The following PLB1 variants were observed in gnomAD, a reference collection of about 807,000 sequenced individuals.
The protein encoded by PLB1 is phospholipase B1, membrane-associated.
PLB1 carries 242 observed loss-of-function variants against 227.4 expected under a neutral mutation model. The observed-to-expected ratio is 1.06, with a 90% CI of 0.96 to 1.18. The LOEUF (loss-of-function observed/expected upper bound fraction) is 1.18. Ranked by LOEUF, PLB1 falls within the 50% of genes most tolerant of loss-of-function variation. The pLI, the probability that PLB1 is intolerant of heterozygous loss-of-function variation, is 0.00. For synonymous variants in PLB1, 757 were observed against 682.2 expected (o/e 1.11, Z -1.71); for missense variants, 1,858 against 1,816.3 (o/e 1.02, Z -0.42).
At chr2:28,506,692 G>A (rs538490170) in intron 1 of PLB1, among the ~76,000 whole-genome samples, 1 of 152,270 alleles carries the variant, frequency 6.6e-6, no homozygotes, top group East Asian at 1.9e-4. Context: ...TTCTTTAGCA[G>A]GGGAGTGGCA....
intron 56 of PLB1, 137 bp downstream of exon 56, chr2:28,633,176 C>A: frequency 1.5e-6 from 1 of 660,274 alleles, no homozygotes; most frequent in South Asian, 1.9e-5. Context: ...CCTTATTGGT[C>A]CTGATAGATT....
intron 9 of PLB1, among the ~76,000 whole-genome samples, chr2:28,532,683 C>G (rs1330262620): frequency 6.6e-6 from 1 of 152,150 alleles, no homozygotes; most frequent in Non-Finnish European, 1.5e-5. Context: ...AACTATCTTG[C>G]GTCTTAATTC....
intron 18 of PLB1, among the ~76,000 whole-genome samples, chr2:28,563,390 C>A (rs1676356639): frequency 6.6e-6 from 1 of 152,036 alleles, no homozygotes; most frequent in Admixed American, 6.6e-5. Context: ...ACAGGAGTGA[C>A]CCACCCCAAG....
intron 56 of PLB1, among the ~76,000 whole-genome samples, chr2:28,634,165 C>T (rs1035951173): frequency 6.6e-6 from 1 of 152,196 alleles, no homozygotes; most frequent in Non-Finnish European, 1.5e-5. Flanking sequence ...GGGGGTTTTC[C>T]TCCTGTGGAC....
intron 31 of PLB1, 54 bp from the exon 32 acceptor site, chr2:28,592,607 G>A (rs1682155830): frequency 2.6e-6 from 4 of 1,551,284 alleles, no homozygotes; most frequent in Non-Finnish European, 2.7e-6. Context: ...AGGCACTAGA[G>A]TGTGACTGTG....
rs951072120 is a variant in PLB1 at position 28,628,967 on chromosome 2, C to T, written c.3727-127C>T. 214 of 734,540 alleles carry T rather than the reference C, an allele frequency of 2.9e-4. 1 individual carries two copies. The highest frequency in any genetic ancestry group is 1.7e-3 in the Middle Eastern group (7 of 4,022). 45.5% of individuals were successfully genotyped at this position (734,540 alleles called of 1,614,324 possible). On this transcript the variant is annotated intron_variant, in intron 52 of 57. Coordinates refer to ENST00000327757, the MANE Select transcript of PLB1 (RefSeq NM_153021.5). ...TTCAGTGAGATACTACAAGTTGCAT[C>T]CCCTCTCTGGGCCTCAGTTTCTTCA... is the stretch of plus-strand genomic sequence containing the variant.
chr2:28,625,553 T>C (rs1687634276), intron 50 of PLB1, among the ~76,000 whole-genome samples: 1 of 151,956 alleles, frequency 6.6e-6, no homozygotes, highest in Non-Finnish European at 1.5e-5. Flanking sequence ...GGAATTCAGC[T>C]CCCGGTGGGA....
intron 49 of PLB1, among the ~76,000 whole-genome samples, chr2:28,624,755 G>C (rs1687502642): frequency 6.6e-6 from 1 of 151,040 alleles, no homozygotes; most frequent in Non-Finnish European, 1.5e-5. Flanking sequence ...GAAATGAACA[G>C]GCTTGGCTTA....
At position 28,632,021 on chromosome 2, in the gene PLB1, T is replaced by TCTCTCTGTCCCCAGCATG. The variant is rs769216629; in HGVS notation, c.3898-14_3901dup. On this transcript the variant is annotated splice_polypyrimidine_tract_variant and intron_variant, in intron 54 of 57. Coordinates refer to ENST00000327757, the MANE Select transcript of PLB1 (RefSeq NM_153021.5). Reference sequence around the variant, plus strand: ...CTTGCCAGGAGGGTTGAGCAGCTTCTCTCTCTGTCCCCAGCATGGCATCTC... The same window carrying TCTCTCTGTCCCCAGCATG: ...CTTGCCAGGAGGGTTGAGCAGCTTCTCTCTCTGTCCCCAGCATGCTCTCTGTCCCCAGCATGGCATCTC... 2.2e-5 allele frequency: 36 copies of TCTCTCTGTCCCCAGCATG among 1,606,808 alleles called. No individual in the cohort carries two copies. In the East Asian group the frequency reaches 7.8e-4, roughly 35 times the overall value.
chr2:28,555,014 G>T (rs918613966), intron 17 of PLB1, among the ~76,000 whole-genome samples: 10 of 152,044 alleles, frequency 6.6e-5, no homozygotes, highest in African/African-American at 2.4e-4. Context: ...TCTCCACCTG[G>T]AATCAGCACT....
intron 1 of PLB1, among the ~76,000 whole-genome samples, chr2:28,506,698 T>A (rs550076225): frequency 2.3e-4 from 35 of 151,744 alleles, no homozygotes; most frequent in Non-Finnish European, 4.4e-4. Context: ...AGCAGGGGAG[T>A]GGCATGACGC....
intron 17 of PLB1, among the ~76,000 whole-genome samples, chr2:28,556,092 G>A (rs181128923): frequency 1.6e-3 from 246 of 151,884 alleles, no homozygotes; most frequent in Middle Eastern, 6.8e-3. Flanking sequence ...TGAACTCCTG[G>A]GCTCAAATGA....
intron 51 of PLB1, among the ~76,000 whole-genome samples, chr2:28,627,316 AGTATTGCT>A (rs11279774): frequency 0.13 from 19,454 of 148,678 alleles, 3,122 homozygotes; most frequent in African/African-American, 0.38. Context: ...TGGGGATTTA[AGTATTGCT>A]GTGTTCTGGA....
chr2:28,496,102 G>C lies in PLB1; in HGVS notation c.-13G>C. 5.0e-6 allele frequency: 8 copies of C among 1,613,938 alleles called. No individual in the cohort carries two copies. The highest frequency in any genetic ancestry group is 6.8e-6 in the Non-Finnish European group (8 of 1,179,892). ...GCTCTTCCAGAGGCCCGAGTCACCT[G>C]GAGCATTCTGGCATGGGGCTGCGGC... On this transcript the variant is annotated 5_prime_UTR_variant, in exon 1 of 58. Coordinates refer to ENST00000327757, the MANE Select transcript of PLB1 (RefSeq NM_153021.5).
intron 46 of PLB1, 84 bp downstream of exon 46, chr2:28,618,483 T>C: frequency 7.1e-7 from 1 of 1,418,202 alleles, no homozygotes; most frequent in Non-Finnish European, 9.9e-7. Flanking sequence ...CAGCATTGGC[T>C]CCGCTTTCAG....
chr2:28,617,613 G>T, intron 44 of PLB1, 114 bp from the exon 45 acceptor site: 3 of 974,994 alleles, frequency 3.1e-6, no homozygotes, highest in South Asian at 2.6e-5. Context: ...GATCCTGTAT[G>T]GTGACTCATT....
At chr2:28,628,327 T>G (rs1413626697) in intron 51 of PLB1, among the ~76,000 whole-genome samples, 1 of 151,960 alleles carries the variant, frequency 6.6e-6, no homozygotes, top group Non-Finnish European at 1.5e-5. Context: ...GGTCTGAGAT[T>G]ATGTAGAGCA....
At chr2:28,542,873 A>T (rs1011383799) in intron 13 of PLB1, among the ~76,000 whole-genome samples, 2 of 152,192 alleles carry the variant, frequency 1.3e-5, no homozygotes, top group African/African-American at 2.4e-5. Context: ...GTGAGGAGAA[A>T]TATTAGCTCA....
chr2:28,532,355 T>C (rs1671136133), intron 9 of PLB1, among the ~76,000 whole-genome samples, 161 bp downstream of exon 9: 1 of 152,164 alleles, frequency 6.6e-6, no homozygotes, highest in Non-Finnish European at 1.5e-5. Context: ...GATAGATGGA[T>C]GGATGGGCAG....
Sources: gnomAD v4.1 joint callset for allele counts (sites outside exome capture counted in the v4.1 genomes callset) on GRCh38, gnomAD v4.1.1 for gene constraint, MANE v1.5 for transcripts, NCBI Gene and HGNC (gene_info 2026-07-23, HGNC 2026-07-21) for gene names.